The following TANK variants were observed in gnomAD, a reference collection of about 807,000 sequenced individuals.
The protein encoded by TANK is TRAF family member associated NFKB activator, also known as TRAF family member-associated NF-kappa-B activator.
A neutral mutation model predicts 43.6 loss-of-function variants in TANK; 15 were observed. That is an observed-to-expected ratio of 0.34 (90% CI 0.23 to 0.53). TANK has a LOEUF of 0.53. Ranked by LOEUF, TANK falls within the 20% of genes least tolerant of loss-of-function variation. The pLI is 0.94. For missense variants in TANK, 417 were observed against 498.6 expected (o/e 0.84, Z 1.56); for synonymous variants, 162 against 178.2 (o/e 0.91, Z 0.73).
intron 5 of TANK, 70 bp from the exon 6 acceptor site, chr2:161,224,561 A>G (rs570760010): frequency 1.9e-5 from 12 of 632,204 alleles, no homozygotes; most frequent in East Asian, 1.8e-4. Flanking sequence ...ATGGTACTAC[A>G]TAAGTTTGAT....
intron 1 of TANK, among the ~76,000 whole-genome samples, chr2:161,174,699 A>G (rs973057499): frequency 2.6e-5 from 4 of 152,066 alleles, no homozygotes; most frequent in Admixed American, 1.3e-4. Flanking sequence ...CTTTTCTTTC[A>G]TTTCCACCTC....
intron 1 of TANK, among the ~76,000 whole-genome samples, chr2:161,151,055 T>C (rs1003290073): frequency 3.3e-5 from 5 of 152,250 alleles, no homozygotes; most frequent in Admixed American, 6.5e-5. Flanking sequence ...GTTAAGAATG[T>C]GTTGCTTAAT....
At chr2:161,191,633 A>G (rs1332018171) in intron 2 of TANK, among the ~76,000 whole-genome samples, 1 of 152,194 alleles carries the variant, frequency 6.6e-6, no homozygotes, top group Non-Finnish European at 1.5e-5. Flanking sequence ...AAGTTAGTAG[A>G]ATTAGTAGAG....
chr2:161,159,695 T>A (rs1188684005), upstream of TANK, among the ~76,000 whole-genome samples: 1 of 152,204 alleles, frequency 6.6e-6, no homozygotes, highest in Non-Finnish European at 1.5e-5. Flanking sequence ...CCAGACCTCA[T>A]CCTCTTGCCC....
intron 4 of TANK, among the ~76,000 whole-genome samples, chr2:161,209,721 A>C (rs1162277433): frequency 6.6e-6 from 1 of 152,204 alleles, no homozygotes; most frequent in Non-Finnish European, 1.5e-5. Flanking sequence ...TATAGAAGAC[A>C]AAAAATTTGG....
chr2:161,162,024 A>G (rs1250393797), intron 1 of TANK: 1 of 152,150 alleles, frequency 6.6e-6, no homozygotes, highest in East Asian at 1.9e-4. Flanking sequence ...ATGCTAAGAT[A>G]AGGATTTAAT....
chr2:161,181,263 A>T (rs1685409848), intron 2 of TANK, among the ~76,000 whole-genome samples: 1 of 152,174 alleles, frequency 6.6e-6, no homozygotes. Context: ...TCTACTGAAA[A>T]TACAAAATTA....
intron 1 of TANK, among the ~76,000 whole-genome samples, chr2:161,146,991 G>A (rs567555784): frequency 6.6e-6 from 1 of 152,142 alleles, no homozygotes; most frequent in Non-Finnish European, 1.5e-5. Context: ...GCCCCAGGGG[G>A]ATCAGAGTTC....
chr2:161,202,389 C>A (rs957898961), intron 2 of TANK, among the ~76,000 whole-genome samples: 2 of 151,794 alleles, frequency 1.3e-5, no homozygotes, highest in Non-Finnish European at 2.9e-5. Context: ...TGGGGTTTCA[C>A]TGTGTTAACC....
intron 7 of TANK, among the ~76,000 whole-genome samples, chr2:161,233,339 G>A (rs1688014408): frequency 6.6e-6 from 1 of 152,140 alleles, no homozygotes; most frequent in Non-Finnish European, 1.5e-5. Flanking sequence ...CGAGGTTGCA[G>A]TGAGCTGTGA....
intron 1 of TANK, among the ~76,000 whole-genome samples, chr2:161,170,320 AG>A (rs948066628): frequency 5.3e-5 from 8 of 152,188 alleles, no homozygotes; most frequent in Non-Finnish European, 2.9e-5. Context: ...GAGTTGTGGA[AG>A]TTTTATGGAA....
intron 4 of TANK, among the ~76,000 whole-genome samples, chr2:161,218,131 A>C (rs1687199599): frequency 2.6e-5 from 4 of 152,120 alleles, no homozygotes; most frequent in Admixed American, 2.6e-4. Context: ...TTGGATGTAC[A>C]TTTCTATTTG....
intron 4 of TANK, chr2:161,208,173 G>A: frequency 1.0e-6 from 1 of 985,308 alleles, no homozygotes; most frequent in Non-Finnish European, 1.2e-6. Context: ...GGACATTTTG[G>A]CAAATAGCCA....
chr2:161,161,468 A>G (rs1040988708), intron 1 of TANK: 1 of 1,545,204 alleles, frequency 6.5e-7, no homozygotes. Flanking sequence ...CTCATTTGAG[A>G]GAGGAGGGAT....
chr2:161,231,311 A>C lies in TANK; in HGVS notation c.861A>C (p.Leu287Phe). ...PGNFVKTEET[L>F]FEIQGIDPIA... ...ACTTTGTTAAAACAGAAGAAACTTT[A>C]TTTGAAATTCAGGGAATTGACCCCA... Residue 287 changes from leucine to phenylalanine, a missense_variant, in exon 7 of 8, where the codon TTA (leucine) becomes TTC (phenylalanine). Leu to Phe is a conservative substitution (Grantham distance 22). Transcript: ENST00000392749. 6.2e-7 allele frequency: 1 copy of C among 1,614,182 alleles called. No individual in the cohort carries two copies.
At chr2:161,141,448 G>A (rs142186359) in intron 1 of TANK, among the ~76,000 whole-genome samples, 1 of 151,958 alleles carries the variant, frequency 6.6e-6, no homozygotes, top group African/African-American at 2.4e-5. Context: ...GGTTTTAAGT[G>A]CTGCATGCAT....
At chr2:161,177,820 A>T (rs1685235152) in intron 1 of TANK, among the ~76,000 whole-genome samples, 1 of 152,120 alleles carries the variant, frequency 6.6e-6, no homozygotes, top group East Asian at 1.9e-4. Flanking sequence ...AACTTTTAAA[A>T]TTTAACAATA....
chr2:161,162,536 A>G (rs1684491897), intron 1 of TANK: 1 of 152,078 alleles, frequency 6.6e-6, no homozygotes, highest in Admixed American at 6.5e-5. Flanking sequence ...GCTTTAGTGA[A>G]TTGCTGGCTT....
Position 161,177,930 on chromosome 2 carries a change from G to A in TANK, c.-49-1684G>A, listed in dbSNP as rs150844156. Among the ~76,000 whole-genome samples the A allele has an allele frequency of 2.0e-3, 301 of 152,180 alleles. 5 individuals are homozygous for A. In the East Asian group the frequency reaches 0.042, roughly 21 times the overall value. ...CCAATAAGCTCATGGAAAGATGCTCGTCATTAGGGAACTGCAAATCAAAAC... is the reference window on the plus strand; with the variant it reads ...CCAATAAGCTCATGGAAAGATGCTCATCATTAGGGAACTGCAAATCAAAAC... On this transcript the variant is annotated intron_variant, in intron 1 of 7. Transcript: ENST00000392749.
Sources: gnomAD v4.1 joint callset for allele counts (sites outside exome capture counted in the v4.1 genomes callset) on GRCh38, gnomAD v4.1.1 for gene constraint, MANE v1.5 for transcripts, NCBI Gene and HGNC (gene_info 2026-07-23, HGNC 2026-07-21) for gene names.